The following DPF3 variants were observed in gnomAD, a reference collection of about 807,000 sequenced individuals.
DPF3 encodes the protein zinc finger protein DPF3.
A neutral mutation model predicts 56.8 loss-of-function variants in DPF3; 18 were observed. The observed-to-expected ratio is 0.32, with a 90% CI of 0.22 to 0.47. The LOEUF is 0.47. Among genes scored for constraint, DPF3 ranks in the 20% least tolerant of loss-of-function variants. DPF3 has a pLI of 1.00. For synonymous variants in DPF3, 188 were observed against 180.2 expected, an observed-to-expected ratio of 1.04 and a Z score of -0.35; for missense variants, 403 against 488.8, an observed-to-expected ratio of 0.82 and a Z score of 1.65.
chr14:72,610,717 T>C lies in DPF3; in HGVS notation c.*8580A>G, dbSNP rs979868387. On this transcript the variant is annotated 3_prime_UTR_variant, in exon 11 of 11. Coordinates refer to ENST00000556509, the MANE Select transcript of DPF3 (RefSeq NM_001280542.3). Reference sequence around the variant, plus strand: ...GCCTGAGAGCGCGCTCAAGGGCAGGTGGGAGATGGAGCCTTCTCAGAGCTC... The same window carrying C: ...GCCTGAGAGCGCGCTCAAGGGCAGGCGGGAGATGGAGCCTTCTCAGAGCTC... Among the ~76,000 whole-genome samples, 5 of 152,114 alleles carry C rather than the reference T, an allele frequency of 3.3e-5. No homozygotes were observed. Among genetic ancestry groups the C allele is most frequent in the African/African-American group, 7.2e-5 (3 of 41,414 alleles).
chr14:72,745,000 C>T (rs1199627281), intron 3 of DPF3, among the ~76,000 whole-genome samples: 1 of 147,398 alleles, frequency 6.8e-6, no homozygotes, highest in South Asian at 2.2e-4. Flanking sequence ...CAGTACTAGG[C>T]AAAACTAGAT....
chr14:72,619,429 T>C (rs959726056), intron 10 of DPF3, 62 bp from the exon 11 acceptor site: 4 of 1,499,548 alleles, frequency 2.7e-6, no homozygotes, highest in Non-Finnish European at 2.7e-6. Flanking sequence ...CCCACCCCAC[T>C]GGCCCTAACT....
intron 9 of DPF3, among the ~76,000 whole-genome samples, chr14:72,626,922 G>T (rs1884867803): frequency 1.3e-5 from 2 of 148,696 alleles, no homozygotes; most frequent in Non-Finnish European, 3.0e-5. Context: ...GAGTGCATTT[G>T]AACTTTTTTT....
intron 9 of DPF3, among the ~76,000 whole-genome samples, chr14:72,624,238 C>T (rs944655003): frequency 1.3e-5 from 2 of 151,540 alleles, no homozygotes; most frequent in African/African-American, 4.9e-5. Context: ...ATTACTATAG[C>T]AGAATTACGA....
chr14:72,693,138 C>G lies in DPF3; in HGVS notation c.680G>C (p.Gly227Ala), dbSNP rs1452950935. 2 of 1,613,930 alleles carry G rather than the reference C, an allele frequency of 1.2e-6. No individual in the cohort carries two copies. Among genetic ancestry groups the G allele is most frequent in the Non-Finnish European group, 1.7e-6 (2 of 1,179,906 alleles). The change falls in exon 7 of 11, where the codon GGG becomes GCG. Residue 227 changes from glycine to alanine, a missense_variant. Coordinates refer to ENST00000556509, the MANE Select transcript of DPF3 (RefSeq NM_001280542.3). ...AGTCTCCTGGTCTTGAGCTTCATCC[C>G]CCTCCTCGCTGGCCAGGTGAGTGTG... Reference protein sequence around the residue: ...YAHTHLASEEGDEAQDQETRS... With the variant: ...YAHTHLASEEADEAQDQETRS...
intron 1 of DPF3, among the ~76,000 whole-genome samples, chr14:72,823,829 C>T (rs1367937098): frequency 2.6e-5 from 4 of 152,172 alleles, no homozygotes; most frequent in Admixed American, 2.0e-4. Context: ...ATGGGACAGG[C>T]ACCCAGTGGC....
At chr14:72,850,079 A>C (rs1037624508) in intron 1 of DPF3, among the ~76,000 whole-genome samples, 2 of 152,114 alleles carry the variant, frequency 1.3e-5, no homozygotes, top group Non-Finnish European at 2.9e-5. Context: ...AGATCATACC[A>C]CTGCACTCCT....
intron 2 of DPF3, among the ~76,000 whole-genome samples, chr14:72,764,397 C>T (rs1891178221): frequency 6.6e-6 from 1 of 151,632 alleles, no homozygotes; most frequent in Non-Finnish European, 1.5e-5. Flanking sequence ...CTTACCTTGC[C>T]CCGTGTACCT....
At chr14:72,828,235 G>C (rs541151633) in intron 1 of DPF3, among the ~76,000 whole-genome samples, 15 of 152,274 alleles carry the variant, frequency 9.9e-5, no homozygotes, top group African/African-American at 3.6e-4. Context: ...ACCATGCTGG[G>C]TACAGGGTCA....
chr14:72,659,862 C>A (rs1361679385), intron 8 of DPF3, among the ~76,000 whole-genome samples: 1 of 152,216 alleles, frequency 6.6e-6, no homozygotes, highest in Non-Finnish European at 1.5e-5. Flanking sequence ...CAATGAAATA[C>A]TATTTAGCCT....
chr14:72,728,750 A>G (rs1310129497), intron 4 of DPF3, among the ~76,000 whole-genome samples: 1 of 152,160 alleles, frequency 6.6e-6, no homozygotes, highest in Non-Finnish European at 1.5e-5. Flanking sequence ...AAAACTGGCA[A>G]CGGATCCTGC....
chr14:72,772,177 T>C (rs756936699), intron 1 of DPF3, among the ~76,000 whole-genome samples: 1 of 152,212 alleles, frequency 6.6e-6, no homozygotes, highest in South Asian at 2.1e-4. Flanking sequence ...GAGAGAGCTG[T>C]CCATGTTCTA....
intron 1 of DPF3, among the ~76,000 whole-genome samples, chr14:72,816,949 C>T (rs1883314369): frequency 6.6e-6 from 1 of 152,214 alleles, no homozygotes; most frequent in African/African-American, 2.4e-5. Context: ...CTACTCCACC[C>T]ACCATCTCAT....
intron 8 of DPF3, chr14:72,662,599 C>T (rs1050657195): frequency 1.0e-6 from 1 of 985,012 alleles, no homozygotes; most frequent in African/African-American, 1.8e-5. Flanking sequence ...CTTCTTATTG[C>T]ACAAACTGAG....
chr14:72,714,517 G>A lies in DPF3; in HGVS notation c.526-16C>T, dbSNP rs759070221. On this transcript the variant is annotated splice_polypyrimidine_tract_variant and intron_variant, in intron 5 of 10. Transcript: ENST00000556509. The stretch of plus-strand genomic sequence containing the variant: ...AGCCGCGAGCCTGGGGAGACATTGG[G>A]GTACAGGATGCTTGTTACCATGGTC... 6.2e-7 allele frequency: 1 copy of A among 1,613,398 alleles called. No individual in the cohort carries two copies.
chr14:72,813,496 G>A lies in DPF3; in HGVS notation c.33-41603C>T, dbSNP rs186908351. 1.6e-4 allele frequency among the ~76,000 whole-genome samples: 25 copies of A among 152,304 alleles called. No homozygotes were observed. In the East Asian group the frequency reaches 4.8e-3, roughly 29 times the overall value. On this transcript the variant is annotated intron_variant, in intron 1 of 10. Transcript: ENST00000556509. ...GCCACTTCCCAGCCCACAGCAACGA[G>A]AGAGTTTTTGCTACATCAGAACAAA... is the stretch of plus-strand genomic sequence containing the variant.
At chr14:72,717,051 C>T (rs1016216020) in intron 5 of DPF3, among the ~76,000 whole-genome samples, 8 of 152,176 alleles carry the variant, frequency 5.3e-5, no homozygotes, top group Non-Finnish European at 1.2e-4. Context: ...CGCATTCACA[C>T]GTTCATTCAT....
intron 1 of DPF3, among the ~76,000 whole-genome samples, chr14:72,874,531 A>T (rs1248223898): frequency 6.6e-6 from 1 of 152,088 alleles, no homozygotes; most frequent in Non-Finnish European, 1.5e-5. Flanking sequence ...AACCTAAATC[A>T]TCTCTCTCAA....
intron 1 of DPF3, among the ~76,000 whole-genome samples, chr14:72,861,542 A>G (rs1160554793): frequency 1.3e-5 from 2 of 152,068 alleles, no homozygotes; most frequent in South Asian, 4.2e-4. Context: ...GATAACTTAT[A>G]CACCTTGCTA....
Sources: gnomAD v4.1 joint callset for allele counts (sites outside exome capture counted in the v4.1 genomes callset) on GRCh38, gnomAD v4.1.1 for gene constraint, MANE v1.5 for transcripts, NCBI Gene and HGNC (gene_info 2026-07-23, HGNC 2026-07-21) for gene names.